ADCY8: variants seen among roughly 807,000 people sequenced by gnomAD.
The protein encoded by ADCY8 is adenylate cyclase 8, also known as adenylate cyclase type 8.
Under a neutral mutation model 119.7 loss-of-function variants are expected in ADCY8, and 51 were observed. The observed-to-expected ratio is 0.43, with a 90% confidence interval of 0.34 to 0.54. The LOEUF (loss-of-function observed/expected upper bound fraction) is 0.54. Ranked by LOEUF, ADCY8 falls within the 20% of genes least tolerant of loss-of-function variation. The probability of loss-of-function intolerance (pLI) is 0.03; values close to 1 mark genes in which losing one functional copy is unlikely to be tolerated. For synonymous variants in ADCY8, 665 were observed against 651.0 expected, an observed-to-expected ratio of 1.02 and a Z score of -0.33; for missense variants, 1,383 against 1,598.8, an observed-to-expected ratio of 0.87 and a Z score of 2.30.
chr8:130,937,498 T>G (rs1171412632), intron 4 of ADCY8, among the ~76,000 whole-genome samples: 3 of 152,180 alleles, frequency 2.0e-5, no homozygotes, highest in African/African-American at 2.4e-5. Flanking sequence ...CACCTGTCAC[T>G]TGGTCAGGCC....
chr8:130,821,183 G>T (rs749377844), intron 13 of ADCY8, among the ~76,000 whole-genome samples, 159 bp downstream of exon 13: 1 of 152,174 alleles, frequency 6.6e-6, no homozygotes, highest in Admixed American at 6.5e-5. Flanking sequence ...CTCCAGCTTT[G>T]TTTTTCATTA....
At chr8:130,971,280 G>A (rs1821915277) in intron 2 of ADCY8, among the ~76,000 whole-genome samples, 2 of 152,166 alleles carry the variant, frequency 1.3e-5, no homozygotes, top group Admixed American at 6.5e-5. Context: ...ATAAGTCAAA[G>A]TATTATTCCC....
rs58781726 is a variant in ADCY8, at chr8:130,810,347, T to TACACACACACACAC, written c.2913+3708_2913+3721dup. Among the ~76,000 whole-genome samples, 124 of 142,752 alleles carry TACACACACACACAC rather than the reference T, an allele frequency of 8.7e-4. 1 individual carries two copies. In the South Asian group the frequency reaches 9.0e-3, roughly 10 times the overall value. The allele number at this position is 142,752 out of a possible 152,430, so 93.7% of individuals were successfully genotyped here. On this transcript the variant is annotated intron_variant, in intron 14 of 17. Coordinates refer to ENST00000286355, the MANE Select transcript of ADCY8 (RefSeq NM_001115.3). Reference sequence around the variant, plus strand: ...ATGACTCTGTCTTTCTCTCTTTTTCTACACACACACACACACACACACACA... The same window carrying TACACACACACACAC: ...ATGACTCTGTCTTTCTCTCTTTTTCTACACACACACACACACACACACACACACACACACACACA...
intron 1 of ADCY8, among the ~76,000 whole-genome samples, chr8:131,019,756 C>G (rs748508982): frequency 6.6e-6 from 1 of 151,386 alleles, no homozygotes; most frequent in African/African-American, 2.4e-5. Context: ...CTTCATTGCT[C>G]TTACTATCTG....
At chr8:130,794,873 T>C (rs1246901466) in intron 15 of ADCY8, among the ~76,000 whole-genome samples, 2 of 152,218 alleles carry the variant, frequency 1.3e-5, no homozygotes, top group African/African-American at 4.8e-5. Flanking sequence ...CTTAAGGACA[T>C]AGAGTGAGAA....
At chr8:130,867,238 A>T (rs2130387920) in intron 9 of ADCY8, among the ~76,000 whole-genome samples, 1 of 152,286 alleles carries the variant, frequency 6.6e-6, no homozygotes, top group East Asian at 1.9e-4. Context: ...AGGGTTAAGA[A>T]CCCAGACTCT....
Position 130,808,963 on chromosome 8 carries a change from T to A in ADCY8, c.2913+5106A>T, listed in dbSNP as rs762214258. On this transcript the variant is annotated intron_variant, in intron 14 of 17. Coordinates refer to ENST00000286355, the MANE Select transcript of ADCY8 (RefSeq NM_001115.3). ...TCAGAGCTAGCCTGCTTGACATTGA[T>A]GAGATACTCAGGCCGGACCTCCAGC... Among the ~76,000 whole-genome samples the A allele has an allele frequency of 7.5e-5, 4 of 53,404 alleles. No individual in the cohort carries two copies. In the Admixed American group the frequency reaches 8.7e-4, roughly 12 times the overall value. 35.0% of individuals were successfully genotyped at this position (53,404 alleles called of 152,430 possible).
At chr8:130,919,321 ACC>A (rs529340281) in intron 5 of ADCY8, among the ~76,000 whole-genome samples, 1 of 152,026 alleles carries the variant, frequency 6.6e-6, no homozygotes, top group African/African-American at 2.4e-5. Flanking sequence ...ACACACACAC[ACC>A]ACACACATGA....
Position 130,780,373 on chromosome 8 carries a change from A to AC in ADCY8, c.*16dup, listed in dbSNP as rs1554599518. The stretch of plus-strand genomic sequence containing the variant: ...TATAAAAGAAATACAAAAAAAAAAA[A>AC]CAGAAAGAAAATGCTTTTATGGCAA... On this transcript the variant is annotated 3_prime_UTR_variant, in exon 18 of 18. Transcript: ENST00000286355. 1.9e-5 allele frequency: 27 copies of AC among 1,405,118 alleles called. No homozygotes were observed. Among genetic ancestry groups the AC allele is most frequent in the Middle Eastern group, 2.1e-4 (1 of 4,816 alleles). 87.0% of individuals were successfully genotyped at this position (1,405,118 alleles called of 1,614,324 possible). A position where few individuals can be genotyped will look rare whatever the true frequency, so the allele number is the denominator to read the frequency against.
At chr8:130,996,827 T>C (rs1171570059) in intron 1 of ADCY8, among the ~76,000 whole-genome samples, 1 of 152,182 alleles carries the variant, frequency 6.6e-6, no homozygotes, top group Non-Finnish European at 1.5e-5. Flanking sequence ...ACCAATCTGA[T>C]ACCTTGCTGA....
intron 1 of ADCY8, among the ~76,000 whole-genome samples, chr8:130,993,695 G>A (rs1490807328): frequency 1.3e-5 from 2 of 152,168 alleles, no homozygotes; most frequent in African/African-American, 4.8e-5. Flanking sequence ...CACCATGTAA[G>A]ACATGCCTTT....
chr8:130,928,771 T>C (rs1037361061), intron 5 of ADCY8, among the ~76,000 whole-genome samples: 1 of 152,230 alleles, frequency 6.6e-6, no homozygotes, highest in African/African-American at 2.4e-5. Flanking sequence ...CTAGTGTCTT[T>C]GTCTGGCTTT....
intron 7 of ADCY8, among the ~76,000 whole-genome samples, chr8:130,896,442 A>G (rs1433494500): frequency 6.6e-6 from 1 of 152,182 alleles, no homozygotes; most frequent in East Asian, 1.9e-4. Flanking sequence ...ACGCCTTCAT[A>G]TTCACAAAAA....
intron 13 of ADCY8, among the ~76,000 whole-genome samples, chr8:130,816,399 A>G (rs181985398): frequency 6.6e-4 from 99 of 150,194 alleles, no homozygotes; most frequent in African/African-American, 2.4e-3. Context: ...GCATGCACAC[A>G]CACATATTTC....
Position 130,873,396 on chromosome 8 carries a change from G to A in ADCY8, c.2110-5450C>T, listed in dbSNP as rs527714925. On this transcript the variant is annotated intron_variant, in intron 8 of 17. Coordinates refer to ENST00000286355, the MANE Select transcript of ADCY8 (RefSeq NM_001115.3). Reference sequence around the variant, plus strand: ...TGCAATGGTGTGATCTCGGCTCAGCGCAACCTCCACCTTGCAGGTTCAAGT... The same window carrying A: ...TGCAATGGTGTGATCTCGGCTCAGCACAACCTCCACCTTGCAGGTTCAAGT... 4.0e-5 allele frequency among the ~76,000 whole-genome samples: 6 copies of A among 151,554 alleles called. No homozygotes were observed. The East Asian group carries it at 5.8e-4, about 15-fold the overall frequency.
chr8:130,981,707 T>C (rs573051816), intron 2 of ADCY8, among the ~76,000 whole-genome samples: 37 of 152,304 alleles, frequency 2.4e-4, no homozygotes, highest in African/African-American at 8.9e-4. Flanking sequence ...CATTAAAAAT[T>C]TGTATTGCTT....
At chr8:130,976,720 G>T (rs182638777) in intron 2 of ADCY8, among the ~76,000 whole-genome samples, 23 of 152,282 alleles carry the variant, frequency 1.5e-4, no homozygotes, top group Admixed American at 2.6e-4. Context: ...AATTGGAGGA[G>T]CTAATTTGGA....
At chr8:130,887,241 C>G (rs1241746759) in intron 7 of ADCY8, among the ~76,000 whole-genome samples, 1 of 152,152 alleles carries the variant, frequency 6.6e-6, no homozygotes, top group African/African-American at 2.4e-5. Context: ...TTGGCCACTT[C>G]TGTAGGATAC....
chr8:130,876,906 T>C (rs911031933), intron 8 of ADCY8, among the ~76,000 whole-genome samples: 1 of 152,182 alleles, frequency 6.6e-6, no homozygotes, highest in Non-Finnish European at 1.5e-5. Context: ...TTTCAAGGTG[T>C]GGCAGAAGTG....
Sources: gnomAD v4.1 joint callset for allele counts (sites outside exome capture counted in the v4.1 genomes callset) on GRCh38, gnomAD v4.1.1 for gene constraint, MANE v1.5 for transcripts, NCBI Gene and HGNC (gene_info 2026-07-23, HGNC 2026-07-21) for gene names.